ANKRD44: variants seen among roughly 807,000 people sequenced by gnomAD.
The protein encoded by ANKRD44 is ankyrin repeat domain 44.
In ANKRD44, 35 loss-of-function variants were observed where a neutral mutation model predicts 116.0. The observed-to-expected ratio is 0.30, with a 90% CI of 0.23 to 0.40. ANKRD44 has a LOEUF of 0.40. Among genes scored for constraint, ANKRD44 ranks in the 10% least tolerant of loss-of-function variants. ANKRD44 has a pLI of 1.00. For synonymous variants in ANKRD44, 435 were observed against 461.8 expected, an observed-to-expected ratio of 0.94 and a Z score of 0.74; for missense variants, 1,014 against 1,242.6, an observed-to-expected ratio of 0.82 and a Z score of 2.77.
chr2:197,039,785 T>A (rs1446905111), intron 16 of ANKRD44, among the ~76,000 whole-genome samples: 5 of 151,950 alleles, frequency 3.3e-5, no homozygotes, highest in Non-Finnish European at 5.9e-5. Context: ...CCTTATCATA[T>A]CACTCATGGG....
intron 18 of ANKRD44, 74 bp downstream of exon 18, chr2:197,013,437 A>G: frequency 6.8e-7 from 1 of 1,463,956 alleles, no homozygotes; most frequent in Non-Finnish European, 9.4e-7. Flanking sequence ...ATGAAAGAAG[A>G]TGCTGCTTTC....
intron 3 of ANKRD44, among the ~76,000 whole-genome samples, chr2:197,140,348 G>A (rs769225637): frequency 7.1e-4 from 108 of 152,026 alleles, no homozygotes; most frequent in Non-Finnish European, 1.1e-3. Context: ...TAGAGACAGG[G>A]TCTCACTCTG....
At chr2:197,254,281 T>A (rs926697245) in intron 1 of ANKRD44, among the ~76,000 whole-genome samples, 3 of 151,980 alleles carry the variant, frequency 2.0e-5, no homozygotes, top group Non-Finnish European at 4.4e-5. Context: ...TAATCCCAGC[T>A]GCTCGGGAGG....
rs868111679 is a variant in ANKRD44, at chr2:197,239,159, G to T, written c.28-52053C>A. On this transcript the variant is annotated intron_variant, in intron 1 of 27. Transcript: ENST00000282272. ...AAAGAATGGGATAAACAAGGGTAAT[G>T]ATCCCCATTTTGTGAAATTTCCACA... 5.3e-5 allele frequency among the ~76,000 whole-genome samples: 8 copies of T among 152,208 alleles called. 1 individual carries two copies. In the South Asian group the frequency reaches 1.7e-3, roughly 31 times the overall value.
chr2:197,039,044 A>G (rs944073766), intron 16 of ANKRD44, among the ~76,000 whole-genome samples: 1 of 152,194 alleles, frequency 6.6e-6, no homozygotes, highest in Non-Finnish European at 1.5e-5. Flanking sequence ...CCCAAATTCA[A>G]TTTTTCCCAA....
chr2:197,033,666 C>T (rs201100485), intron 16 of ANKRD44, among the ~76,000 whole-genome samples: 55 of 144,138 alleles, frequency 3.8e-4, no homozygotes, highest in Non-Finnish European at 7.0e-4. Context: ...GTTGTTGTTG[C>T]TTTTTTTTTT....
At chr2:197,005,434 T>C (rs2076184378) in intron 21 of ANKRD44, among the ~76,000 whole-genome samples, 1 of 152,204 alleles carries the variant, frequency 6.6e-6, no homozygotes, top group South Asian at 2.1e-4. Flanking sequence ...CATTTAAGCT[T>C]ATCGGTTCTG....
chr2:196,969,952 A>G (rs1165591479), intron 21 of ANKRD44, among the ~76,000 whole-genome samples: 1 of 152,232 alleles, frequency 6.6e-6, no homozygotes. Context: ...AGGTTTCTTC[A>G]ACTGTAAAAC....
intron 1 of ANKRD44, among the ~76,000 whole-genome samples, chr2:197,218,519 A>G (rs2081502307): frequency 6.6e-6 from 1 of 152,114 alleles, no homozygotes; most frequent in South Asian, 2.1e-4. Context: ...AATTGCTCCC[A>G]AACCAATAAC....
Position 197,108,674 on chromosome 2 carries a change from T to C in ANKRD44, c.985+2092A>G, listed in dbSNP as rs1365990002. Among the ~76,000 whole-genome samples, 6 of 152,206 alleles carry C rather than the reference T, an allele frequency of 3.9e-5. No homozygotes were observed. In the East Asian group the frequency reaches 1.2e-3, roughly 29 times the overall value. On this transcript the variant is annotated intron_variant, in intron 9 of 27. Transcript: ENST00000282272. ...TCAACACATGGCAAAACCCCATCTC[T>C]AGTAAAAATACAAAAATTAGCTGGG...
intron 16 of ANKRD44, among the ~76,000 whole-genome samples, chr2:197,065,122 T>C (rs1350310958): frequency 6.6e-6 from 1 of 152,158 alleles, no homozygotes; most frequent in African/African-American, 2.4e-5. Flanking sequence ...CATAATGCAA[T>C]CAAACTAGGA....
chr2:197,063,109 C>G (rs2077353031), intron 16 of ANKRD44, among the ~76,000 whole-genome samples: 1 of 152,210 alleles, frequency 6.6e-6, no homozygotes, highest in African/African-American at 2.4e-5. Context: ...GGGTATCCCT[C>G]TGAGACGAAG....
chr2:197,154,918 T>C (rs1332605950), intron 2 of ANKRD44, among the ~76,000 whole-genome samples: 3 of 152,204 alleles, frequency 2.0e-5, no homozygotes, highest in African/African-American at 4.8e-5. Context: ...CATGGATATA[T>C]ATTTCTCATA....
chr2:197,209,410 GGT>G (rs751493285), intron 1 of ANKRD44, among the ~76,000 whole-genome samples: 1 of 152,208 alleles, frequency 6.6e-6, no homozygotes, highest in Non-Finnish European at 1.5e-5. Flanking sequence ...ACAGAGAAAT[GGT>G]GGGATGGGAG....
intron 16 of ANKRD44, among the ~76,000 whole-genome samples, chr2:197,075,171 T>C (rs1362157148): frequency 6.6e-6 from 1 of 152,112 alleles, no homozygotes; most frequent in African/African-American, 2.4e-5. Flanking sequence ...ATTTACATAA[T>C]TACATTGGCA....
intron 1 of ANKRD44, among the ~76,000 whole-genome samples, chr2:197,264,954 TCA>T (rs2082703528): frequency 6.6e-6 from 1 of 152,158 alleles, no homozygotes; most frequent in African/African-American, 2.4e-5. Flanking sequence ...TTTTTAATGG[TCA>T]TTGCCATTTA....
At chr2:197,190,370 T>C (rs2080794266) in intron 1 of ANKRD44, among the ~76,000 whole-genome samples, 1 of 152,218 alleles carries the variant, frequency 6.6e-6, no homozygotes, top group Non-Finnish European at 1.5e-5. Flanking sequence ...CAATTATGAA[T>C]TTAAGCATCA....
chr2:197,020,683 T>C (rs2076478999), intron 17 of ANKRD44, among the ~76,000 whole-genome samples: 2 of 152,206 alleles, frequency 1.3e-5, no homozygotes, highest in Non-Finnish European at 2.9e-5. Context: ...AATTTTACTA[T>C]GCATAAAGTA....
chr2:197,310,402 G>A (rs1049227332), intron 1 of ANKRD44, among the ~76,000 whole-genome samples, 176 bp downstream of exon 1: 25 of 147,274 alleles, frequency 1.7e-4, no homozygotes, highest in Non-Finnish European at 3.0e-4. Context: ...GGGACGGCGC[G>A]GCGGAGGGGA....
Sources: allele counts gnomAD v4.1 joint callset (sites outside exome capture counted in the v4.1 genomes callset), GRCh38; gene constraint gnomAD v4.1.1; transcripts MANE v1.5; gene names NCBI Gene and HGNC (gene_info 2026-07-23, HGNC 2026-07-21).